The following TLN1 variants were observed in gnomAD, a reference collection of about 807,000 sequenced individuals.
The protein encoded by TLN1 is talin-1.
TLN1 carries 56 observed loss-of-function variants against 292.3 expected under a neutral mutation model. The ratio of observed to expected loss-of-function variants is 0.19; its 90% CI spans 0.15 to 0.24. The LOEUF (loss-of-function observed/expected upper bound fraction) is 0.24. Ranked by LOEUF, TLN1 falls within the 10% of genes least tolerant of loss-of-function variation. The pLI is 1.00. For missense variants in TLN1, 2,433 were observed against 3,248.2 expected (o/e 0.75, Z 6.10); for synonymous variants, 1,119 against 1,253.7 (o/e 0.89, Z 2.27).
Position 35,713,048 on chromosome 9 carries a change from G to T in TLN1, c.3353-5C>A. 6.3e-7 allele frequency: 1 copy of T among 1,597,138 alleles called. No individual in the cohort carries two copies. Among genetic ancestry groups the T allele is most frequent in the East Asian group, 2.3e-5 (1 of 44,274 alleles). On this transcript the variant is annotated splice_region_variant and splice_polypyrimidine_tract_variant and intron_variant, in intron 26 of 56. Coordinates refer to ENST00000314888, the MANE Select transcript of TLN1 (RefSeq NM_006289.4). ...CCACATCCCGAGCTGCAATACCTTG[G>T]GAGATGAGGAGAAAGAGGGAAGGGA...
intron 10 of TLN1, among the ~76,000 whole-genome samples, 185 bp downstream of exon 10, chr9:35,721,463 T>C (rs1268709066): frequency 6.6e-6 from 1 of 152,226 alleles, no homozygotes; most frequent in Non-Finnish European, 1.5e-5. Context: ...TTTTAAAGAA[T>C]AAGTCCATCA....
Position 35,714,955 on chromosome 9 carries a change from A to G in TLN1, c.2755-79T>C. On this transcript the variant is annotated intron_variant, in intron 21 of 56. Coordinates refer to ENST00000314888, the MANE Select transcript of TLN1 (RefSeq NM_006289.4). The surrounding 1 kb of genome is among the most constrained non-coding windows in gnomAD (Gnocchi z 4.6). ...GTCCCTGGCCTACCTTGCCCAGGTT[A>G]TGCCTCAAGGACGTATTAACTTACT... 1 of 1,609,048 alleles carries G rather than the reference A, an allele frequency of 6.2e-7. No homozygotes were observed. The highest frequency in any genetic ancestry group is 8.5e-7 in the Non-Finnish European group (1 of 1,178,510).
chr9:35,713,707 G>A (rs957631092), intron 25 of TLN1, among the ~76,000 whole-genome samples: 10 of 133,672 alleles, frequency 7.5e-5, no homozygotes, highest in African/African-American at 2.8e-4. Context: ...ATAAAAGAAC[G>A]GAAAAGAAAA....
At position 35,700,018 on chromosome 9, in the gene TLN1, C is replaced by T; in HGVS notation, c.6724G>A (p.Glu2242Lys). The T allele has an allele frequency of 6.2e-7, 1 of 1,613,660 alleles. No individual in the cohort carries two copies. The highest frequency in any genetic ancestry group is 8.5e-7 in the Non-Finnish European group (1 of 1,179,706). Residue 2242 changes from glutamate to lysine, a missense_variant, in exon 50 of 57, where the codon GAG becomes AAG. Transcript: ENST00000314888. ...VRLRALHYGR[E>K]CANGYLELLD... ...AGTTCCAGGTAGCCATTGGCACACT[C>T]CCGGCCATAGTGCAGGGCTCGAAGC...
In TLN1 at chr9:35,706,663, C is replaced by A. The variant is rs1825570743; in HGVS notation, c.5088+105G>T. The A allele has an allele frequency of 6.3e-6, 10 of 1,579,794 alleles. No homozygotes were observed. The highest frequency in any genetic ancestry group is 8.6e-6 in the Non-Finnish European group (10 of 1,159,560). ...TACCCTAACCCTCCTTCGCACATCC[C>A]AGCCTTTGATGTCCCTAAGAAGCCA... On this transcript the variant is annotated intron_variant, in intron 38 of 56. Transcript: ENST00000314888. The surrounding 1 kb of genome is among the most constrained non-coding windows in gnomAD (Gnocchi z 4.2).
rs1282435442 is a variant in TLN1, at chr9:35,714,599, A to G, written c.2960T>C (p.Ile987Thr). The stretch of plus-strand genomic sequence containing the variant: ...CTGCAGGAAGCTCTGGCTGGCAGCA[A>G]TGAGGGCAAGCTGAGCGCTGGGGCT... ...PDSPSAQLAL[I>T]AASQSFLQPG... The change falls in exon 23 of 57, where the codon ATT becomes ACT. Residue 987 changes from isoleucine to threonine, a missense_variant. By Grantham distance (89) the Ile-to-Thr change is moderately conservative. This residue lies in a region of TLN1 where 617 missense variants were observed against 770.6 expected (regional missense o/e 0.80). Coordinates refer to ENST00000314888, the MANE Select transcript of TLN1 (RefSeq NM_006289.4). The surrounding 1 kb of genome is among the most constrained non-coding windows in gnomAD (Gnocchi z 4.6). 1 of 1,612,256 alleles carries G rather than the reference A, an allele frequency of 6.2e-7. No individual in the cohort carries two copies. The highest frequency in any genetic ancestry group is 8.5e-7 in the Non-Finnish European group (1 of 1,180,010).
chr9:35,704,085 T>C lies in TLN1; in HGVS notation c.6137A>G (p.Gln2046Arg). 1.2e-6 allele frequency: 2 copies of C among 1,613,688 alleles called. No homozygotes were observed. The highest frequency in any genetic ancestry group is 1.7e-6 in the Non-Finnish European group (2 of 1,179,880). The change falls in exon 46 of 57, where the codon CAG becomes CGG. Residue 2046 changes from glutamine (Q) to arginine (R), a missense_variant. Transcript: ENST00000314888. The surrounding 1 kb of genome is among the most constrained non-coding windows in gnomAD (Gnocchi z 6.9). ...NAAGSQEKLA[Q>R]AAQSSVATIT... ...GGTCGCCACGGAGGACTGGGCAGCC[T>C]GCGCCAACTTCTCCTGGCTCCCAGC...
At position 35,713,040 on chromosome 9, in the gene TLN1, A is replaced by G; in HGVS notation, c.3356T>C (p.Ile1119Thr). ...CCCACCTGCCACATCCCGAGCTGCA[A>G]TACCTTGGGAGATGAGGAGAAAGAG... ...VAQGNENYAGIAARDVAGGLR... is the reference protein window; with the variant it reads ...VAQGNENYAGTAARDVAGGLR... Residue 1119 changes from isoleucine (I) to threonine (T), a missense_variant, in exon 27 of 57, where the codon ATT becomes ACT. Ile to Thr is a moderately conservative substitution (Grantham distance 89). Transcript: ENST00000314888. 1 of 1,603,804 alleles carries G rather than the reference A, an allele frequency of 6.2e-7. No individual in the cohort carries two copies. The highest frequency in any genetic ancestry group is 8.5e-7 in the Non-Finnish European group (1 of 1,173,956).
chr9:35,714,205 C>T lies in TLN1; in HGVS notation c.3120+34G>A, dbSNP rs748896186. The T allele has an allele frequency of 1.9e-6, 3 of 1,596,964 alleles. No homozygotes were observed. The highest frequency in any genetic ancestry group is 2.7e-5 in the African/African-American group (2 of 74,572). On this transcript the variant is annotated intron_variant, in intron 24 of 56. Coordinates refer to ENST00000314888, the MANE Select transcript of TLN1 (RefSeq NM_006289.4). This position sits in a 1 kb window ranked among gnomAD's most constrained non-coding sequence, Gnocchi z 4.6. ...ATTTCCTCTCATCACAGGACTCCAG[C>T]CTCATCTTCCAAAGCCAGAACCAGC...
chr9:35,724,057 C>A lies in TLN1; in HGVS notation c.677G>T (p.Gly226Val). Residue 226 changes from glycine to valine, a missense_variant, in exon 7 of 57, where the codon GGC (glycine) becomes GTC (valine). Coordinates refer to ENST00000314888, the MANE Select transcript of TLN1 (RefSeq NM_006289.4). The surrounding 1 kb of genome is among the most constrained non-coding windows in gnomAD (Gnocchi z 4.7). Reference protein sequence around the residue: ...YVQARDDILNGSHPVSFDKAC... With the variant: ...YVQARDDILNVSHPVSFDKAC... ...CTTGTCAAAGGAGACAGGGTGGGAG[C>A]CATTCAGGATGTCATCTCGTGCCTG... 1.2e-6 allele frequency: 2 copies of A among 1,613,864 alleles called. No homozygotes were observed. The highest frequency in any genetic ancestry group is 1.7e-6 in the Non-Finnish European group (2 of 1,179,862).
chr9:35,724,277 G>A lies in TLN1; in HGVS notation c.569C>T (p.Thr190Met), dbSNP rs769874189. ...AAAGAACTTCCTCCGCAGCAGCAGC[G>A]TCTCGTGCTCCTCTACACCCTGCTC... is the stretch of plus-strand genomic sequence containing the variant. ...LREQGVEEHE[T>M]LLLRRKFFYS... Residue 190 changes from threonine to methionine, a missense_variant, in exon 6 of 57, where the codon ACG (threonine) becomes ATG (methionine). Around this residue, in one of 7 missense-constraint regions of TLN1, gnomAD observed 155 missense variants for 287.9 expected, o/e 0.54. Transcript: ENST00000314888. The surrounding 1 kb of genome is among the most constrained non-coding windows in gnomAD (Gnocchi z 4.7). The A allele has an allele frequency of 5.0e-5, 80 of 1,614,030 alleles. No homozygotes were observed. Among genetic ancestry groups the A allele is most frequent in the Non-Finnish European group, 5.6e-5 (66 of 1,180,034 alleles).
chr9:35,711,190 A>G, intron 30 of TLN1, 65 bp downstream of exon 30: 1 of 1,611,180 alleles, frequency 6.2e-7, no homozygotes, highest in Non-Finnish European at 8.5e-7. Context: ...AGAAGCTCTC[A>G]TGAACTGCCT....
chr9:35,729,819 A>G (rs1826038825), intron 1 of TLN1, among the ~76,000 whole-genome samples: 1 of 152,140 alleles, frequency 6.6e-6, no homozygotes, highest in South Asian at 2.1e-4. Context: ...CAGGTTGGGC[A>G]GAGAATGTGA....
intron 1 of TLN1, among the ~76,000 whole-genome samples, chr9:35,726,584 C>A (rs1406571330): frequency 6.6e-6 from 1 of 152,214 alleles, no homozygotes; most frequent in East Asian, 1.9e-4. Context: ...AGCCTGCAAA[C>A]AAACTCTAGC....
In TLN1 at chr9:35,697,655, G is replaced by A. The variant is rs1211154995; in HGVS notation, c.*136C>T. The stretch of plus-strand genomic sequence containing the variant: ...AGGGGATGTACTGCGGGACTGGGCG[G>A]GGCCAGGCCCTGGGGTTTGGCAGGC... On this transcript the variant is annotated 3_prime_UTR_variant, in exon 57 of 57. Transcript: ENST00000314888. 1.5e-6 allele frequency: 2 copies of A among 1,325,710 alleles called. No homozygotes were observed. Among genetic ancestry groups the A allele is most frequent in the East Asian group, 4.6e-5 (2 of 43,210 alleles). 82.1% of individuals were successfully genotyped at this position (1,325,710 alleles called of 1,614,324 possible).
In TLN1 at chr9:35,707,649, A is replaced by G. The variant is rs1421212737; in HGVS notation, c.4632+82T>C. The G allele has an allele frequency of 1.3e-6, 2 of 1,597,936 alleles. No homozygotes were observed. The highest frequency in any genetic ancestry group is 3.4e-5 in the Admixed American group (2 of 59,506). On this transcript the variant is annotated intron_variant, in intron 35 of 56. Transcript: ENST00000314888. This position sits in a 1 kb window ranked among gnomAD's most constrained non-coding sequence, Gnocchi z 5.6. Reference sequence around the variant, plus strand: ...GGCTCAGGCAGAGGGGATTTGGTAGAAGGCTTCAGAGAATAACTGGGGGAC... The same window carrying G: ...GGCTCAGGCAGAGGGGATTTGGTAGGAGGCTTCAGAGAATAACTGGGGGAC...
chr9:35,714,409 T>G lies in TLN1; in HGVS notation c.2986-36A>C. On this transcript the variant is annotated intron_variant, in intron 23 of 56. Transcript: ENST00000314888. The surrounding 1 kb of genome is among the most constrained non-coding windows in gnomAD (Gnocchi z 4.6). ...ATAGGCAGGTGGATGAAGTGTGCCA[T>G]CCTCCCTCTGGGCTTGGGTACAAGG... The G allele has an allele frequency of 1.3e-6, 2 of 1,589,216 alleles. No individual in the cohort carries two copies. The highest frequency in any genetic ancestry group is 1.7e-6 in the Non-Finnish European group (2 of 1,167,596).
rs1324635450 is a variant in TLN1 at position 35,712,929 on chromosome 9, C to T, written c.3467G>A (p.Ser1156Asn). The change falls in exon 27 of 57, where the codon AGT becomes AAT. Residue 1156 changes from serine to asparagine, a missense_variant. By Grantham distance (46) the Ser-to-Asn change is conservative. This residue lies in a region of TLN1 where 1,384 missense variants were observed against 1,699.6 expected (regional missense o/e 0.81). Transcript: ENST00000314888. ...GCTGCTGGCCTTGTCCAGCACATCA[C>T]TGGCCGTATCAAGTACAATGGCCTG... is the stretch of plus-strand genomic sequence containing the variant. ...AVQAIVLDTASDVLDKASSLI... is the reference protein window; with the variant it reads ...AVQAIVLDTANDVLDKASSLI... 1 of 1,608,924 alleles carries T rather than the reference C, an allele frequency of 6.2e-7. No homozygotes were observed.
intron 48 of TLN1, among the ~76,000 whole-genome samples, chr9:35,702,055 A>G (rs539614179): frequency 1.5e-4 from 23 of 152,348 alleles, no homozygotes; most frequent in African/African-American, 5.5e-4. Context: ...CTGGTGCCAC[A>G]GCCAAATTGC....
Sources: gnomAD v4.1 joint callset for allele counts (sites outside exome capture counted in the v4.1 genomes callset) on GRCh38, gnomAD v4.1.1 for gene constraint, gnomAD v4.1.1 regional missense constraint, Gnocchi (gnomAD v3.1) non-coding constraint, MANE v1.5 for transcripts, NCBI Gene and HGNC (gene_info 2026-07-23, HGNC 2026-07-21) for gene names.